SLC4A4: variants seen among roughly 807,000 people sequenced by gnomAD.
The protein encoded by SLC4A4 is solute carrier family 4 member 4.
In SLC4A4, 27 loss-of-function variants were observed where a neutral mutation model predicts 111.5. That is an observed-to-expected ratio of 0.24 (90% CI 0.18 to 0.33). The LOEUF is 0.33. SLC4A4 is among the 10% of genes least tolerant of loss of function. The pLI is 1.00. For synonymous variants in SLC4A4, 443 were observed against 463.4 expected, an observed-to-expected ratio of 0.96 and a Z score of 0.57; for missense variants, 909 against 1,315.5, an observed-to-expected ratio of 0.69 and a Z score of 4.78.
chr4:71,210,439 T>C (rs1718064968), intron 1 of SLC4A4, among the ~76,000 whole-genome samples: 2 of 152,226 alleles, frequency 1.3e-5, no homozygotes, highest in South Asian at 4.1e-4. Context: ...AGAAAGTAAA[T>C]GTCTTCTCTG....
At chr4:71,296,804 G>T (rs1295313125) in intron 3 of SLC4A4, among the ~76,000 whole-genome samples, 1 of 152,206 alleles carries the variant, frequency 6.6e-6, no homozygotes, top group East Asian at 1.9e-4. Context: ...TTCTGTCCTT[G>T]TGGATCTGTC....
chr4:71,162,822 G>A (rs1414669026), intron 2 of SLC4A4, among the ~76,000 whole-genome samples: 1 of 152,148 alleles, frequency 6.6e-6, no homozygotes, highest in East Asian at 1.9e-4. Context: ...AGACGCTTAA[G>A]GACCCATCAA....
chr4:71,076,406 C>A (rs1228118248), intron 1 of SLC4A4, among the ~76,000 whole-genome samples: 1 of 151,954 alleles, frequency 6.6e-6, no homozygotes, highest in Non-Finnish European at 1.5e-5. Flanking sequence ...GTGGCACATG[C>A]CTATAATCCC....
At chr4:71,499,133 TTTTG>T (rs1169773150) in intron 16 of SLC4A4, among the ~76,000 whole-genome samples, 2 of 152,052 alleles carry the variant, frequency 1.3e-5, no homozygotes, top group South Asian at 2.1e-4. Context: ...GCATCTTGGA[TTTTG>T]TTTGTTTGTA....
chr4:71,534,164 T>C, intron 17 of SLC4A4, 63 bp from the exon 18 acceptor site: 1 of 1,504,516 alleles, frequency 6.6e-7, no homozygotes. Flanking sequence ...CCGTTGGTTT[T>C]TTCACCAAAT....
At chr4:71,500,013 C>G (rs1730763368) in intron 16 of SLC4A4, among the ~76,000 whole-genome samples, 1 of 152,168 alleles carries the variant, frequency 6.6e-6, no homozygotes, top group African/African-American at 2.4e-5. Context: ...ATACTGTTTT[C>G]TGTAATGGCT....
At chr4:71,523,155 A>T (rs998832148) in intron 16 of SLC4A4, among the ~76,000 whole-genome samples, 1 of 152,106 alleles carries the variant, frequency 6.6e-6, no homozygotes, top group Non-Finnish European at 1.5e-5. Context: ...AACAGGAGTA[A>T]GAAATAATGG....
Position 71,084,260 on chromosome 4 carries a change from A to G in SLC4A4, c.-64-8470A>G, listed in dbSNP as rs571623807. ...AGATCGCCTTGAAGTATAGTCTATAATAATAACTTGAATTATTTCACTACA... is the reference window on the plus strand; with the variant it reads ...AGATCGCCTTGAAGTATAGTCTATAGTAATAACTTGAATTATTTCACTACA... On this transcript the variant is annotated intron_variant, in intron 1 of 26. Transcript: ENST00000649996. 1.4e-4 allele frequency among the ~76,000 whole-genome samples: 22 copies of G among 152,172 alleles called. No homozygotes were observed. The East Asian group carries it at 3.9e-3, about 27-fold the overall frequency.
At chr4:71,267,768 T>C (rs1427679151) in intron 3 of SLC4A4, among the ~76,000 whole-genome samples, 1 of 111,842 alleles carries the variant, frequency 8.9e-6, no homozygotes, top group Non-Finnish European at 1.6e-5. Flanking sequence ...CACTCCAGCC[T>C]GGATGACAGA....
At chr4:71,119,407 G>A (rs1172887061) in intron 2 of SLC4A4, among the ~76,000 whole-genome samples, 3 of 151,782 alleles carry the variant, frequency 2.0e-5, no homozygotes, top group Admixed American at 1.3e-4. Flanking sequence ...TTAGTGTTGG[G>A]GTTTTTCTCT....
At chr4:71,421,665 A>G (rs185740418) in intron 7 of SLC4A4, among the ~76,000 whole-genome samples, 11 of 152,318 alleles carry the variant, frequency 7.2e-5, no homozygotes, top group Admixed American at 5.2e-4. Context: ...TCAAACTAGA[A>G]CTCAGGATTA....
intron 1 of SLC4A4, among the ~76,000 whole-genome samples, chr4:71,202,224 C>T (rs890754386): frequency 2.6e-5 from 4 of 152,166 alleles, no homozygotes; most frequent in African/African-American, 9.7e-5. Context: ...AAATATAGAG[C>T]AAATCACCTG....
chr4:71,505,915 C>G (rs1303115351), intron 16 of SLC4A4, among the ~76,000 whole-genome samples: 2 of 152,080 alleles, frequency 1.3e-5, no homozygotes, highest in Non-Finnish European at 2.9e-5. Context: ...ATATGGCTAG[C>G]TAGTTCTCTT....
At chr4:71,364,523 A>G (rs1050425784) in intron 6 of SLC4A4, among the ~76,000 whole-genome samples, 6 of 152,172 alleles carry the variant, frequency 3.9e-5, no homozygotes, top group Admixed American at 3.3e-4. Context: ...CAGCAAATTT[A>G]CTGACTGGTG....
chr4:71,143,812 ATTTG>A (rs1744081512), intron 2 of SLC4A4, among the ~76,000 whole-genome samples: 1 of 152,000 alleles, frequency 6.6e-6, no homozygotes, highest in Non-Finnish European at 1.5e-5. Flanking sequence ...TTTCTTGTAA[ATTTG>A]TTTGAGTTCA....
rs577472496 is a variant in SLC4A4 at position 71,400,794 on chromosome 4, A to T, written c.807+3141A>T. On this transcript the variant is annotated intron_variant, in intron 7 of 25. Coordinates refer to ENST00000264485, the MANE Select transcript of SLC4A4 (RefSeq NM_001098484.3). The stretch of plus-strand genomic sequence containing the variant: ...GAAAAAGGAAAGTGGATTTGCAAGT[A>T]AGATGAAGCTGTGATAAACTCTGGC... Among the ~76,000 whole-genome samples, 4 of 152,344 alleles carry T rather than the reference A, an allele frequency of 2.6e-5. No individual in the cohort carries two copies. In the South Asian group the frequency reaches 8.3e-4, roughly 32 times the overall value.
chr4:71,392,782 C>T (rs900676362), intron 6 of SLC4A4, among the ~76,000 whole-genome samples: 4 of 151,868 alleles, frequency 2.6e-5, no homozygotes, highest in African/African-American at 4.8e-5. Context: ...ACTAGCTAAC[C>T]GAGTCCAACA....
chr4:71,196,528 A>G (rs894174601), intron 1 of SLC4A4, among the ~76,000 whole-genome samples: 7 of 152,188 alleles, frequency 4.6e-5, no homozygotes, highest in African/African-American at 1.2e-4. Context: ...TGAATTCTGC[A>G]GTTGAATTGA....
chr4:71,501,051 G>A (rs996849746), intron 16 of SLC4A4, among the ~76,000 whole-genome samples: 2 of 152,102 alleles, frequency 1.3e-5, no homozygotes, highest in African/African-American at 4.8e-5. Context: ...TTGGTAGTAT[G>A]GACTTTTTAA....
Sources: gnomAD v4.1 joint callset for allele counts (sites outside exome capture counted in the v4.1 genomes callset) on GRCh38, gnomAD v4.1.1 for gene constraint, MANE v1.5 for transcripts, NCBI Gene and HGNC (gene_info 2026-07-23, HGNC 2026-07-21) for gene names.